Variants in SUGCT observed in about 807,000 individuals in gnomAD.
The protein encoded by SUGCT is succinyl-CoA:glutarate CoA-transferase.
SUGCT carries 41 observed loss-of-function variants against 55.0 expected under a neutral mutation model. The observed-to-expected ratio is 0.74, with a 90% CI of 0.58 to 0.97. The LOEUF is 0.97. SUGCT is among the 50% of genes least tolerant of loss of function. The pLI, the probability that SUGCT is intolerant of heterozygous loss-of-function variation, is 0.00. For synonymous variants in SUGCT, 187 were observed against 200.4 expected (o/e 0.93, Z 0.56); for missense variants, 568 against 547.8 (o/e 1.04, Z -0.37).
intron 4 of SUGCT, among the ~76,000 whole-genome samples, 153 bp from the exon 5 acceptor site, chr7:40,189,391 A>G (rs972217308): frequency 3.2e-5 from 3 of 94,448 alleles, no homozygotes; most frequent in East Asian, 5.4e-4. Context: ...GTATTTTAAT[A>G]CACATACTTT....
downstream of SUGCT, among the ~76,000 whole-genome samples, chr7:40,864,864 C>T (rs1359925235): frequency 2.0e-5 from 3 of 152,128 alleles, no homozygotes; most frequent in Admixed American, 2.0e-4. Flanking sequence ...AGAGCTCAAA[C>T]ACTAGCCAGA....
intron 1 of SUGCT, among the ~76,000 whole-genome samples, chr7:40,143,635 G>A (rs2150583837): frequency 6.6e-6 from 1 of 152,342 alleles, no homozygotes; most frequent in Non-Finnish European, 1.5e-5. Context: ...TTGCATCTTG[G>A]TATCTTGTCT....
At chr7:40,689,487 G>T (rs985096466) in intron 12 of SUGCT, among the ~76,000 whole-genome samples, 21 of 152,082 alleles carry the variant, frequency 1.4e-4, no homozygotes, top group Non-Finnish European at 2.6e-4. Context: ...AACTTTAGTG[G>T]AACATAATCC....
At chr7:40,759,128 AAC>A (rs1389683877) in intron 13 of SUGCT, among the ~76,000 whole-genome samples, 1 of 152,198 alleles carries the variant, frequency 6.6e-6, no homozygotes, top group Non-Finnish European at 1.5e-5. Flanking sequence ...GAATATCTGC[AAC>A]AGAGACTAAT....
At chr7:40,459,043 A>G (rs1789641426) in intron 10 of SUGCT, 58 bp from the exon 11 acceptor site, 1 of 1,104,392 alleles carries the variant, frequency 9.1e-7, no homozygotes, top group African/African-American at 1.5e-5. Context: ...ACTAGCACCC[A>G]CAGGCAGGTA....
rs1450593338 is a variant in SUGCT, at chr7:40,668,326, ATTTTTAT to A, written c.1090-81104_1090-81098del. On this transcript the variant is annotated intron_variant, in intron 12 of 13. Coordinates refer to ENST00000335693, the MANE Select transcript of SUGCT (RefSeq NM_001193313.2). ...GCCATTCATTGCTTCATTCATCTTT[ATTTTTAT>A]TTTATTCCTTTGTAGATAATCTTCT... Among the ~76,000 whole-genome samples, 3 of 152,022 alleles carry A rather than the reference ATTTTTAT, an allele frequency of 2.0e-5. No homozygotes were observed. The East Asian group carries it at 5.8e-4, about 29-fold the overall frequency.
At chr7:40,824,990 C>G (rs1792242985) in intron 13 of SUGCT, among the ~76,000 whole-genome samples, 2 of 152,180 alleles carry the variant, frequency 1.3e-5, no homozygotes, top group Non-Finnish European at 2.9e-5. Context: ...AAAAAGGGGA[C>G]TGCTTCATGC....
intron 12 of SUGCT, among the ~76,000 whole-genome samples, chr7:40,672,230 G>A (rs1039801433): frequency 6.6e-6 from 1 of 152,084 alleles, no homozygotes; most frequent in Non-Finnish European, 1.5e-5. Flanking sequence ...AATATCTTTA[G>A]GATCTGGGTT....
At chr7:41,024,818 A>G in the SUGCT span, among the ~76,000 whole-genome samples, 1 of 152,144 alleles carries the variant, frequency 6.6e-6, no homozygotes, top group Non-Finnish European at 1.5e-5. Flanking sequence ...AGACCCTACA[A>G]CCTGGGTACA....
intron 12 of SUGCT, among the ~76,000 whole-genome samples, chr7:40,727,562 C>T (rs901717016): frequency 2.6e-5 from 4 of 152,148 alleles, no homozygotes; most frequent in Admixed American, 2.6e-4. Context: ...TGTGCTGAAG[C>T]TCAGCAAGAA....
intron 8 of SUGCT, among the ~76,000 whole-genome samples, chr7:40,311,172 T>C (rs1201942024): frequency 6.6e-6 from 1 of 152,226 alleles, no homozygotes; most frequent in Non-Finnish European, 1.5e-5. Context: ...TCTGTCTGCA[T>C]CCTCTGCCCA....
intron 9 of SUGCT, among the ~76,000 whole-genome samples, chr7:40,432,042 CT>C (rs1270178949): frequency 6.6e-6 from 1 of 151,790 alleles, no homozygotes; most frequent in African/African-American, 2.4e-5. Context: ...ACTGTTTTTT[CT>C]AGTACTTTCA....
At chr7:40,910,080 T>G in the SUGCT span, among the ~76,000 whole-genome samples, 40,779 of 151,630 alleles carry the variant, frequency 0.27, 5,516 homozygotes, top group South Asian at 0.33. Flanking sequence ...GACCTAGATG[T>G]AGGATTTGGT....
intron 6 of SUGCT, among the ~76,000 whole-genome samples, chr7:40,196,758 C>T (rs977500695): frequency 6.6e-6 from 1 of 152,190 alleles, no homozygotes; most frequent in Non-Finnish European, 1.5e-5. Flanking sequence ...TCTTGAACTC[C>T]TTGCCTTATG....
chr7:40,592,562 A>G (rs1429741645), intron 12 of SUGCT, among the ~76,000 whole-genome samples: 2 of 152,216 alleles, frequency 1.3e-5, no homozygotes, highest in African/African-American at 2.4e-5. Flanking sequence ...AGGGACATGC[A>G]TATGGAATGG....
At chr7:40,495,186 A>T (rs1791902135) in intron 11 of SUGCT, among the ~76,000 whole-genome samples, 1 of 150,504 alleles carries the variant, frequency 6.6e-6, no homozygotes, top group Non-Finnish European at 1.5e-5. Context: ...TGCTGAGATT[A>T]CAGGTGTGAG....
chr7:40,176,725 C>A (rs905503176), intron 1 of SUGCT, among the ~76,000 whole-genome samples: 1 of 151,830 alleles, frequency 6.6e-6, no homozygotes, highest in Non-Finnish European at 1.5e-5. Flanking sequence ...GTAATCCCAG[C>A]ACTTTGAGAG....
intron 9 of SUGCT, among the ~76,000 whole-genome samples, chr7:40,434,488 A>G (rs1788066008): frequency 2.6e-5 from 4 of 152,028 alleles, no homozygotes; most frequent in Admixed American, 2.0e-4. Context: ...ATCCAGATTC[A>G]TGGGGACTTG....
intron 13 of SUGCT, among the ~76,000 whole-genome samples, chr7:40,758,883 A>G (rs1214300744): frequency 6.6e-6 from 1 of 152,152 alleles, no homozygotes; most frequent in African/African-American, 2.4e-5. Context: ...TAATCTGCTT[A>G]CAACCCTTGT....
Sources: allele counts gnomAD v4.1 joint callset (sites outside exome capture counted in the v4.1 genomes callset), GRCh38; gene constraint gnomAD v4.1.1; transcripts MANE v1.5; gene names NCBI Gene and HGNC (gene_info 2026-07-23, HGNC 2026-07-21).